CYSLTR2: variants seen among roughly 807,000 people sequenced by gnomAD.
CYSLTR2 encodes the protein G-protein coupled receptor GPCR21.
For missense variants in CYSLTR2, 398 were observed against 411.9 expected (o/e 0.97, Z 0.29); for synonymous variants, 179 against 160.8 (o/e 1.11, Z -0.86).
intron 4 of CYSLTR2, among the ~76,000 whole-genome samples, chr13:48,698,986 T>A (rs943606445): frequency 6.6e-6 from 1 of 152,134 alleles, no homozygotes; most frequent in African/African-American, 2.4e-5. Flanking sequence ...CCTAAATATA[T>A]ATGCACCCAA....
chr13:48,695,068 ATTTTTTTTTTTT>A (rs869282546), intron 3 of CYSLTR2, among the ~76,000 whole-genome samples: 38 of 71,620 alleles, frequency 5.3e-4, no homozygotes, highest in African/African-American at 1.1e-3. Flanking sequence ...AGAACCTGGC[ATTTTTTTTTTTT>A]TTTTTTTTTT....
intron 3 of CYSLTR2, among the ~76,000 whole-genome samples, chr13:48,694,269 G>A (rs1046938021): frequency 6.6e-6 from 1 of 152,186 alleles, no homozygotes; most frequent in African/African-American, 2.4e-5. Flanking sequence ...TTTATCCAAA[G>A]GCCAAAGTTT....
intron 1 of CYSLTR2, among the ~76,000 whole-genome samples, chr13:48,688,827 C>G (rs761043208): frequency 1.3e-5 from 2 of 152,156 alleles, no homozygotes; most frequent in Non-Finnish European, 2.9e-5. Flanking sequence ...CTTGAGGAAT[C>G]GCCGCACTGC....
At position 48,707,263 on chromosome 13, in the gene CYSLTR2, T is replaced by C; in HGVS notation, c.446T>C (p.Val149Ala). The change falls in exon 5 of 5, where the codon GTC (valine) becomes GCC (alanine). Residue 149 changes from valine (V) to alanine (A), a missense_variant. Transcript: ENST00000682523. The part of the protein sequence containing the change: ...AMVHPFRLLH[V>A]TSIRSAWILC... ...GTTCACCCCTTTCGGCTTCTGCATG[T>C]CACCAGCATCAGGAGTGCCTGGATC... The C allele has an allele frequency of 1.9e-6, 3 of 1,614,062 alleles. No individual in the cohort carries two copies. The highest frequency in any genetic ancestry group is 2.5e-6 in the Non-Finnish European group (3 of 1,180,034).
At chr13:48,665,254 G>C (rs1953232191) in intron 1 of CYSLTR2, among the ~76,000 whole-genome samples, 1 of 152,054 alleles carries the variant, frequency 6.6e-6, no homozygotes, top group African/African-American at 2.4e-5. Context: ...CATGGAGAAT[G>C]TTTCACACGC....
intron 2 of CYSLTR2, among the ~76,000 whole-genome samples, 189 bp from the exon 3 acceptor site, chr13:48,693,249 G>A (rs1451778615): frequency 6.6e-6 from 1 of 151,768 alleles, no homozygotes; most frequent in Non-Finnish European, 1.5e-5. Flanking sequence ...CAAAAGATTG[G>A]GCTGTCACTA....
chr13:48,705,864 A>G (rs1192493483), intron 4 of CYSLTR2, among the ~76,000 whole-genome samples: 2 of 151,666 alleles, frequency 1.3e-5, no homozygotes, highest in African/African-American at 4.8e-5. Context: ...TATTGTATTT[A>G]CACATATTTT....
Position 48,678,743 on chromosome 13 carries a change from C to T in CYSLTR2, c.-265-12469C>T, listed in dbSNP as rs555204694. Among the ~76,000 whole-genome samples, 4 of 152,210 alleles carry T rather than the reference C, an allele frequency of 2.6e-5. No individual in the cohort carries two copies. In the South Asian group the frequency reaches 8.3e-4, roughly 32 times the overall value. On this transcript the variant is annotated intron_variant, in intron 1 of 4. Transcript: ENST00000682523. ...GGTTCCTTTTATTAATGAAAGGCACCACTTCCTTCCCCTAATACCTGAGAG... is the reference window on the plus strand; with the variant it reads ...GGTTCCTTTTATTAATGAAAGGCACTACTTCCTTCCCCTAATACCTGAGAG...
chr13:48,678,329 A>G (rs1242425639), intron 1 of CYSLTR2, among the ~76,000 whole-genome samples: 1 of 152,024 alleles, frequency 6.6e-6, no homozygotes, highest in Non-Finnish European at 1.5e-5. Flanking sequence ...TTTTATTCCC[A>G]TTGAACACTC....
intron 1 of CYSLTR2, among the ~76,000 whole-genome samples, chr13:48,654,628 C>G (rs1952959075): frequency 6.6e-6 from 1 of 152,058 alleles, no homozygotes; most frequent in Non-Finnish European, 1.5e-5. Flanking sequence ...TGGTTTTGCT[C>G]AGAGGCACAA....
intron 1 of CYSLTR2, among the ~76,000 whole-genome samples, chr13:48,674,929 G>A (rs146184738): frequency 2.0e-4 from 31 of 152,292 alleles, no homozygotes; most frequent in Admixed American, 9.8e-4. Context: ...TCCATACCCC[G>A]TTTGCCTGGG....
In CYSLTR2 at chr13:48,710,266, A is replaced by G. The variant is rs1954603596; in HGVS notation, c.*2408A>G. On this transcript the variant is annotated 3_prime_UTR_variant, in exon 5 of 5. Transcript: ENST00000682523. ...TAAAACATGTGCTGTTTTGAGTAGC[A>G]TGTTGAAATCTCGCACTATCACCCT... 1 of 152,216 alleles carries G rather than the reference A, an allele frequency of 6.6e-6. No homozygotes were observed. The highest frequency in any genetic ancestry group is 1.5e-5 in the Non-Finnish European group (1 of 68,036). The allele number at this position is 152,216 out of a possible 1,614,324, so 9.4% of individuals were successfully genotyped here. A position where few individuals can be genotyped will look rare whatever the true frequency, so the allele number is the denominator to read the frequency against.
chr13:48,685,893 A>C (rs550389927), intron 1 of CYSLTR2, among the ~76,000 whole-genome samples: 40 of 152,288 alleles, frequency 2.6e-4, no homozygotes, highest in Non-Finnish European at 4.7e-4. Context: ...TGTGTATATC[A>C]GGCTTTTTGT....
chr13:48,677,929 C>T (rs907914820), intron 1 of CYSLTR2, among the ~76,000 whole-genome samples: 19 of 147,500 alleles, frequency 1.3e-4, no homozygotes, highest in Admixed American at 6.8e-5. Flanking sequence ...AGTGCAGTGG[C>T]GCAATCTTGG....
In CYSLTR2 at chr13:48,682,037, A is replaced by T. The variant is rs536399654; in HGVS notation, c.-265-9175A>T. On this transcript the variant is annotated intron_variant, in intron 1 of 4. Coordinates refer to ENST00000682523, the MANE Select transcript of CYSLTR2 (RefSeq NM_001308476.3). ...TTCAATAAAAGGCCATTTGTAATGA[A>T]ACCTTTATGTAAAAATTCCTCTGAC... Among the ~76,000 whole-genome samples the T allele has an allele frequency of 1.8e-3, 270 of 152,226 alleles. 2 individuals are homozygous for T. Among genetic ancestry groups the T allele is most frequent in the African/African-American group, 6.2e-3 (258 of 41,526 alleles).
Position 48,707,141 on chromosome 13 carries a change from C to G in CYSLTR2, c.324C>G (p.Asp108Glu). 3.1e-6 allele frequency: 5 copies of G among 1,614,176 alleles called. No individual in the cohort carries two copies. Among genetic ancestry groups the G allele is most frequent in the Non-Finnish European group, 4.2e-6 (5 of 1,180,032 alleles). The change falls in exon 5 of 5, where the codon GAC becomes GAG. Residue 108 changes from aspartate (D) to glutamate (E), a missense_variant. Physicochemically the swap from Asp to Glu is conservative, Grantham distance 45 (BLOSUM62 2). Coordinates refer to ENST00000682523, the MANE Select transcript of CYSLTR2 (RefSeq NM_001308476.3). ...YLRGSNWIFG[D>E]LACRIMSYSL... The stretch of plus-strand genomic sequence containing the variant: ...GAGGCTCCAATTGGATATTTGGAGA[C>G]CTGGCCTGCAGGATTATGTCTTATT...
chr13:48,698,274 A>G (rs1296842492), intron 4 of CYSLTR2, among the ~76,000 whole-genome samples: 1 of 152,226 alleles, frequency 6.6e-6, no homozygotes, highest in Non-Finnish European at 1.5e-5. Flanking sequence ...CCAGAGAGAA[A>G]GGTAGGGTTA....
At chr13:48,677,402 G>T (rs757450403) in intron 1 of CYSLTR2, among the ~76,000 whole-genome samples, 1 of 152,040 alleles carries the variant, frequency 6.6e-6, no homozygotes, top group Non-Finnish European at 1.5e-5. Flanking sequence ...AAGAAGAAAT[G>T]GTACAGAATT....
rs759049153 is a variant in CYSLTR2 at position 48,707,116 on chromosome 13, G to C, written c.299G>C (p.Arg100Thr). The change falls in exon 5 of 5, where the codon AGA (arginine) becomes ACA (threonine). Residue 100 changes from arginine to threonine, a missense_variant. Physicochemically the swap from Arg to Thr is moderately conservative, Grantham distance 71. Coordinates refer to ENST00000682523, the MANE Select transcript of CYSLTR2 (RefSeq NM_001308476.3). ...CCCTTCAGGGCTGACTATTATCTTA[G>C]AGGCTCCAATTGGATATTTGGAGAC... ...TLPFRADYYL[R>T]GSNWIFGDLA... 1 of 1,614,170 alleles carries C rather than the reference G, an allele frequency of 6.2e-7. No individual in the cohort carries two copies. The highest frequency in any genetic ancestry group is 2.2e-5 in the East Asian group (1 of 44,878).
Sources: gnomAD v4.1 joint callset for allele counts (sites outside exome capture counted in the v4.1 genomes callset) on GRCh38, gnomAD v4.1.1 for gene constraint, MANE v1.5 for transcripts, NCBI Gene and HGNC (gene_info 2026-07-23, HGNC 2026-07-21) for gene names.